Variants in CLDN14 observed in about 807,000 individuals in gnomAD.
CLDN14 encodes the protein claudin-14.
A neutral mutation model predicts 2.1 loss-of-function variants in CLDN14; 2 were observed. The observed-to-expected ratio is 0.96, with a 90% CI of 0.39 to 3.01. CLDN14 has a LOEUF of 3.01. CLDN14 is among the 30% of genes most tolerant of loss of function. The pLI, the probability that CLDN14 is intolerant of heterozygous loss-of-function variation, is 0.09. For synonymous variants in CLDN14, 136 were observed against 154.4 expected, an observed-to-expected ratio of 0.88 and a Z score of 0.88; for missense variants, 298 against 328.0, an observed-to-expected ratio of 0.91 and a Z score of 0.71.
At chr21:36,503,205 C>G (rs972304638) in intron 2 of CLDN14, among the ~76,000 whole-genome samples, 1 of 152,204 alleles carries the variant, frequency 6.6e-6, no homozygotes, top group Admixed American at 6.5e-5. Context: ...AGGTGTGCAC[C>G]ACCATTCCGG....
At chr21:36,575,752 C>T (rs1345264417) in intron 1 of CLDN14, among the ~76,000 whole-genome samples, 2 of 152,204 alleles carry the variant, frequency 1.3e-5, no homozygotes, top group Non-Finnish European at 2.9e-5. Context: ...CTGTTGATGT[C>T]ATTCCTCTGG....
chr21:36,467,828 C>G (rs1452858374), intron 1 of CLDN14, among the ~76,000 whole-genome samples: 1 of 152,166 alleles, frequency 6.6e-6, no homozygotes, highest in African/African-American at 2.4e-5. Context: ...CCCTTGTCTA[C>G]CCACCTTGGT....
At chr21:36,501,368 T>TTTTTTTTTTA (rs1601614064) in intron 2 of CLDN14, among the ~76,000 whole-genome samples, 4 of 117,810 alleles carry the variant, frequency 3.4e-5, no homozygotes, top group Non-Finnish European at 6.7e-5. Context: ...TTTTTTTTTT[T>TTTTTTTTTTA]AGAAAAGTGA....
At chr21:36,478,308 A>G (rs183342456) in intron 1 of CLDN14, among the ~76,000 whole-genome samples, 2 of 152,340 alleles carry the variant, frequency 1.3e-5, no homozygotes, top group South Asian at 2.1e-4. Context: ...TTGGAGCCAG[A>G]TAAGGATGGG....
chr21:36,526,774 C>A (rs774898355), intron 1 of CLDN14, among the ~76,000 whole-genome samples: 9 of 152,252 alleles, frequency 5.9e-5, no homozygotes, highest in Non-Finnish European at 1.3e-4. Flanking sequence ...TATCATTAAT[C>A]TTCCCTCCAG....
intron 2 of CLDN14, among the ~76,000 whole-genome samples, chr21:36,501,466 C>T (rs2087091896): frequency 6.8e-6 from 1 of 148,012 alleles, no homozygotes; most frequent in East Asian, 2.0e-4. Flanking sequence ...TGACCCAGGG[C>T]GGGTCACATT....
intron 2 of CLDN14, among the ~76,000 whole-genome samples, chr21:36,494,258 G>A (rs73902544): frequency 0.028 from 4,201 of 152,252 alleles, 171 homozygotes; most frequent in African/African-American, 0.087. Context: ...CAGGACTGAC[G>A]AGAGTGGTAT....
intron 2 of CLDN14, among the ~76,000 whole-genome samples, chr21:36,488,653 C>CGGGGG (rs952329924): frequency 4.0e-5 from 1 of 24,906 alleles, no homozygotes; most frequent in African/African-American, 1.5e-4. Context: ...GGGCTGAGGG[C>CGGGGG]GGGGGGGTGG....
At chr21:36,539,390 AGTGT>A (rs200423996) in intron 1 of CLDN14, among the ~76,000 whole-genome samples, 52 of 107,196 alleles carry the variant, frequency 4.9e-4, no homozygotes, top group African/African-American at 2.0e-3. Context: ...GTGTGGAGTG[AGTGT>A]GTGTGGAGTG....
At chr21:36,556,346 A>T (rs2087599061) in intron 1 of CLDN14, among the ~76,000 whole-genome samples, 1 of 152,160 alleles carries the variant, frequency 6.6e-6, no homozygotes, top group Admixed American at 6.5e-5. Context: ...ATGGATGAAG[A>T]ATCAGGTGGA....
intron 2 of CLDN14, among the ~76,000 whole-genome samples, chr21:36,489,075 A>G (rs1232377759): frequency 1.4e-5 from 2 of 144,300 alleles, no homozygotes; most frequent in Non-Finnish European, 3.0e-5. Context: ...AAGCCACTGC[A>G]CTCCAGCCTG....
chr21:36,523,781 G>GAGAGAGAGAGAGAGAA (rs1568868851), intron 1 of CLDN14, among the ~76,000 whole-genome samples: 76 of 38,368 alleles, frequency 2.0e-3, no homozygotes, highest in African/African-American at 4.7e-3. Context: ...GAGAGAAAGA[G>GAGAGAGAGAGAGAGAA]AGAAAGAAAG....
At chr21:36,493,364 A>G (rs1353127639) in intron 2 of CLDN14, among the ~76,000 whole-genome samples, 1 of 152,088 alleles carries the variant, frequency 6.6e-6, no homozygotes, top group East Asian at 1.9e-4. Flanking sequence ...AAGACACATT[A>G]AGCTTTCTTA....
At chr21:36,508,161 ACT>A (rs1601616546) in intron 2 of CLDN14, among the ~76,000 whole-genome samples, 1 of 152,132 alleles carries the variant, frequency 6.6e-6, no homozygotes, top group Non-Finnish European at 1.5e-5. Context: ...TGCAAAATGC[ACT>A]GTTTATTCCA....
At chr21:36,486,289 G>T (rs766032227) in intron 2 of CLDN14, 1 of 805,144 alleles carries the variant, frequency 1.2e-6, no homozygotes, top group Non-Finnish European at 2.2e-6. Flanking sequence ...AGTCCGGTAT[G>T]GCCAAACTCT....
chr21:36,571,376 A>C (rs999175784), intron 1 of CLDN14, among the ~76,000 whole-genome samples: 1 of 152,210 alleles, frequency 6.6e-6, no homozygotes, highest in African/African-American at 2.4e-5. Context: ...GGTGCTTTTA[A>C]AACCTGCTCC....
At chr21:36,487,368 TAC>T in intron 2 of CLDN14, 1 of 214,716 alleles carries the variant, frequency 4.7e-6, no homozygotes, top group Non-Finnish European at 1.0e-5. Context: ...ATTCTGCACA[TAC>T]TCACTGTTGT....
At chr21:36,514,615 GAGAGAA>G (rs1442461194) in intron 1 of CLDN14, among the ~76,000 whole-genome samples, 10 of 34,478 alleles carry the variant, frequency 2.9e-4, no homozygotes, top group African/African-American at 4.6e-4. Context: ...GTCTTATCGT[GAGAGAA>G]AGTGTGTGTG....
intron 2 of CLDN14, among the ~76,000 whole-genome samples, chr21:36,489,130 AAATATATATAT>A: frequency 1.0e-5 from 1 of 97,636 alleles, no homozygotes; most frequent in South Asian, 4.2e-4. Flanking sequence ...AAAAAAAAAA[AAATATATATAT>A]ATATATATAT....
Sources: gnomAD v4.1 joint callset for allele counts (sites outside exome capture counted in the v4.1 genomes callset) on GRCh38, gnomAD v4.1.1 for gene constraint, MANE v1.5 for transcripts, NCBI Gene and HGNC (gene_info 2026-07-23, HGNC 2026-07-21) for gene names.